The following TENM3 variants were observed in gnomAD, a reference collection of about 807,000 sequenced individuals.
TENM3 encodes teneurin transmembrane protein 3, also known as teneurin-3.
In TENM3, 63 loss-of-function variants were observed where a neutral mutation model predicts 255.1. The ratio of observed to expected loss-of-function variants is 0.25; its 90% CI spans 0.20 to 0.30. The LOEUF (loss-of-function observed/expected upper bound fraction) is 0.30. Among genes scored for constraint, TENM3 ranks in the 10% least tolerant of loss-of-function variants. The pLI, the probability that TENM3 is intolerant of heterozygous loss-of-function variation, is 1.00. For synonymous variants in TENM3, 1,306 were observed against 1,322.3 expected, an observed-to-expected ratio of 0.99 and a Z score of 0.27; for missense variants, 2,929 against 3,461.1, an observed-to-expected ratio of 0.85 and a Z score of 3.86.
the TENM3 span, among the ~76,000 whole-genome samples, chr4:181,510,712 C>T: frequency 4.1e-3 from 628 of 152,268 alleles, 7 homozygotes; most frequent in African/African-American, 0.014. Context: ...AAAGGTAACA[C>T]GCAGCCAATG....
At chr4:181,690,823 G>A in the TENM3 span, among the ~76,000 whole-genome samples, 4 of 151,988 alleles carry the variant, frequency 2.6e-5, no homozygotes, top group Admixed American at 1.3e-4. Flanking sequence ...ATTCAGCAGT[G>A]GTATGTTCTC....
At chr4:181,843,854 G>A in the TENM3 span, among the ~76,000 whole-genome samples, 1 of 151,620 alleles carries the variant, frequency 6.6e-6, no homozygotes, top group African/African-American at 2.4e-5. Flanking sequence ...CAAGTATCTG[G>A]GATTACAGGT....
chr4:182,442,786 ATGTG>A (rs750639444), intron 3 of TENM3, among the ~76,000 whole-genome samples: 52 of 148,292 alleles, frequency 3.5e-4, no homozygotes, highest in South Asian at 6.4e-4. Context: ...GTGTGTACAT[ATGTG>A]TGTGTGTGTG....
Position 182,793,769 on chromosome 4 carries a change from C to A in TENM3, c.7097C>A (p.Thr2366Lys). ...DYDILAGRWTTPDIEIWKRIG... is the reference protein window; with the variant it reads ...DYDILAGRWTKPDIEIWKRIG... ...GACATTTTGGCAGGACGGTGGACAA[C>A]ACCTGACATAGAAATCTGGAAAAGA... Residue 2366 changes from threonine (T) to lysine (K), a missense_variant, in exon 26 of 28, where the codon ACA (threonine) becomes AAA (lysine). Physicochemically the swap from Thr to Lys is moderately conservative, Grantham distance 78. Transcript: ENST00000511685. The surrounding 1 kb of genome is among the most constrained non-coding windows in gnomAD (Gnocchi z 5.7). 6.2e-7 allele frequency: 1 copy of A among 1,613,960 alleles called. No homozygotes were observed. The highest frequency in any genetic ancestry group is 1.1e-5 in the South Asian group (1 of 91,078).
At chr4:182,062,963 G>A in the TENM3 span, among the ~76,000 whole-genome samples, 8 of 152,178 alleles carry the variant, frequency 5.3e-5, no homozygotes, top group Non-Finnish European at 1.2e-4. Flanking sequence ...GAGTTATGTT[G>A]TTTTCCACAG....
intron 1 of TENM3, among the ~76,000 whole-genome samples, chr4:182,188,163 C>T (rs1010422585): frequency 6.6e-6 from 1 of 152,108 alleles, no homozygotes; most frequent in East Asian, 1.9e-4. Context: ...TTCATTCCGC[C>T]TCACTTTGTT....
At chr4:182,672,538 G>C (rs989567952) in intron 6 of TENM3, among the ~76,000 whole-genome samples, 2 of 152,060 alleles carry the variant, frequency 1.3e-5, no homozygotes, top group South Asian at 2.1e-4. Flanking sequence ...ACATGAATCC[G>C]AGCCATCAGT....
the TENM3 span, among the ~76,000 whole-genome samples, chr4:181,641,260 T>C: frequency 6.6e-6 from 1 of 151,864 alleles, no homozygotes; most frequent in Non-Finnish European, 1.5e-5. Flanking sequence ...TGGGTATACA[T>C]GTGCCATGGT....
the TENM3 span, among the ~76,000 whole-genome samples, chr4:181,634,837 AT>A: frequency 6.6e-6 from 1 of 152,222 alleles, no homozygotes; most frequent in African/African-American, 2.4e-5. Flanking sequence ...TTTTCACAGC[AT>A]TTTTCATTTT....
chr4:182,224,722 T>C (rs1358300188), intron 1 of TENM3, among the ~76,000 whole-genome samples: 2 of 151,508 alleles, frequency 1.3e-5, no homozygotes, highest in Non-Finnish European at 2.9e-5. Flanking sequence ...AAACATGAAC[T>C]TTTCAGTCAG....
the TENM3 span, among the ~76,000 whole-genome samples, chr4:181,978,336 T>A: frequency 6.6e-6 from 1 of 152,116 alleles, no homozygotes; most frequent in Admixed American, 6.6e-5. Flanking sequence ...GAAGCATCGA[T>A]TTTGACAGGT....
At chr4:182,775,816 A>G in intron 24 of TENM3, among the ~76,000 whole-genome samples, 1 of 152,158 alleles carries the variant, frequency 6.6e-6, no homozygotes, top group East Asian at 1.9e-4. Context: ...ATGAGGCTCT[A>G]CTTTTTGCTA....
At chr4:181,777,930 T>C in the TENM3 span, among the ~76,000 whole-genome samples, 1 of 152,052 alleles carries the variant, frequency 6.6e-6, no homozygotes, top group Non-Finnish European at 1.5e-5. Context: ...AAAATACAGC[T>C]AGTTTGAGAC....
rs761903044 is a variant in TENM3, at chr4:182,789,916, A to G, written c.5601+527A>G. Among the ~76,000 whole-genome samples, 3 of 152,194 alleles carry G rather than the reference A, an allele frequency of 2.0e-5. No homozygotes were observed. Among genetic ancestry groups the G allele is most frequent in the Non-Finnish European group, 4.4e-5 (3 of 68,038 alleles). ...CTCTGTGGCATCTTTCCTTTCTTCT[A>G]CATATAAAAGGTAAGCCTCCTAGAT... is the stretch of plus-strand genomic sequence containing the variant. On this transcript the variant is annotated intron_variant, in intron 25 of 27. Coordinates refer to ENST00000511685, the MANE Select transcript of TENM3 (RefSeq NM_001080477.4). This position sits in a 1 kb window ranked among gnomAD's most constrained non-coding sequence, Gnocchi z 4.4.
the TENM3 span, among the ~76,000 whole-genome samples, chr4:181,551,568 T>G: frequency 6.6e-6 from 1 of 152,236 alleles, no homozygotes; most frequent in Admixed American, 6.5e-5. Flanking sequence ...TCAGAACATT[T>G]TTATTTTTAT....
chr4:181,783,487 C>A, the TENM3 span, among the ~76,000 whole-genome samples: 228 of 152,154 alleles, frequency 1.5e-3, no homozygotes, highest in Non-Finnish European at 3.0e-3. Context: ...CCCAAATGTT[C>A]ACATTATTTT....
At chr4:182,327,885 T>G (rs1040179377) in intron 2 of TENM3, among the ~76,000 whole-genome samples, 1 of 152,230 alleles carries the variant, frequency 6.6e-6, no homozygotes, top group Non-Finnish European at 1.5e-5. Flanking sequence ...TTTGGAGAAG[T>G]GGTAAAATAA....
the TENM3 span, among the ~76,000 whole-genome samples, chr4:181,862,573 G>C: frequency 1.3e-5 from 2 of 151,968 alleles, no homozygotes; most frequent in South Asian, 4.1e-4. Context: ...TGAGAAGCAA[G>C]ACAAAAAGGG....
the TENM3 span, among the ~76,000 whole-genome samples, chr4:182,028,747 A>T: frequency 6.6e-6 from 1 of 151,966 alleles, no homozygotes; most frequent in Non-Finnish European, 1.5e-5. Flanking sequence ...TTGTATTTGT[A>T]TGTTTTCTGA....
Sources: allele counts gnomAD v4.1 joint callset (sites outside exome capture counted in the v4.1 genomes callset), GRCh38; gene constraint gnomAD v4.1.1; non-coding constraint Gnocchi (gnomAD v3.1); transcripts MANE v1.5; gene names NCBI Gene and HGNC (gene_info 2026-07-23, HGNC 2026-07-21).